CDC42BPB: variants seen among roughly 807,000 people sequenced by gnomAD.
CDC42BPB encodes serine/threonine-protein kinase MRCK beta.
In CDC42BPB, 37 loss-of-function variants were observed where a neutral mutation model predicts 214.9. That is an observed-to-expected ratio of 0.17 (90% CI 0.13 to 0.23). The LOEUF (loss-of-function observed/expected upper bound fraction) is 0.23, where lower values mean the gene tolerates loss of function less well. CDC42BPB is among the 10% of genes least tolerant of loss of function. The pLI is 1.00. For synonymous variants in CDC42BPB, 931 were observed against 884.0 expected (o/e 1.05, Z -0.94); for missense variants, 1,694 against 2,227.0 (o/e 0.76, Z 4.82).
rs191952406 is a variant in CDC42BPB at position 102,980,407 on chromosome 14, G to A, written c.1140+366C>T. On this transcript the variant is annotated intron_variant, in intron 8 of 36. Transcript: ENST00000361246. ...ACTCGGGAGGCTGAGGCAGGAGAAT[G>A]GCTTGAAACAGGGAGTCAGAGGTTG... Among the ~76,000 whole-genome samples, 5 of 152,186 alleles carry A rather than the reference G, an allele frequency of 3.3e-5. No homozygotes were observed. In the East Asian group the frequency reaches 9.7e-4, roughly 29 times the overall value.
intron 5 of CDC42BPB, among the ~76,000 whole-genome samples, chr14:102,986,948 T>A (rs1894272076): frequency 6.6e-6 from 1 of 152,056 alleles, no homozygotes; most frequent in East Asian, 1.9e-4. Context: ...CGAGCTGAGG[T>A]CTTGCAAACA....
intron 3 of CDC42BPB, among the ~76,000 whole-genome samples, chr14:103,006,365 C>T (rs767155758): frequency 2.0e-4 from 31 of 152,246 alleles, no homozygotes; most frequent in Non-Finnish European, 4.1e-4. Flanking sequence ...CTCCAGGAGA[C>T]GCTCCCTGAA....
At chr14:103,043,997 T>C (rs989527661) in intron 1 of CDC42BPB, among the ~76,000 whole-genome samples, 6 of 152,194 alleles carry the variant, frequency 3.9e-5, no homozygotes, top group Non-Finnish European at 7.4e-5. Context: ...CAGTATAATA[T>C]CAATGCCATC....
chr14:103,025,773 C>A (rs1441835915), intron 1 of CDC42BPB, among the ~76,000 whole-genome samples: 1 of 150,114 alleles, frequency 6.7e-6, no homozygotes, highest in East Asian at 2.0e-4. Flanking sequence ...AGCCACTGCA[C>A]TCCAGCCTGG....
At chr14:102,995,364 C>T (rs569453374) in intron 5 of CDC42BPB, among the ~76,000 whole-genome samples, 66 of 152,290 alleles carry the variant, frequency 4.3e-4, no homozygotes, top group African/African-American at 1.5e-3. Context: ...TTAGTAGAGA[C>T]AGGTTTTACC....
At chr14:103,048,911 G>C (rs1339068032) in intron 1 of CDC42BPB, among the ~76,000 whole-genome samples, 1 of 151,858 alleles carries the variant, frequency 6.6e-6, no homozygotes, top group East Asian at 1.9e-4. Context: ...ATTATTATAA[G>C]AAAAGAAAAT....
rs1043433221 is a variant in CDC42BPB, at chr14:102,944,687, C to T, written c.3812-200G>A. On this transcript the variant is annotated intron_variant, in intron 29 of 36. Coordinates refer to ENST00000361246, the MANE Select transcript of CDC42BPB (RefSeq NM_006035.4). This position sits in a 1 kb window ranked among gnomAD's most constrained non-coding sequence, Gnocchi z 6.6. ...CTTGAACGCCCCCCGGAGAAGCTGC[C>T]CCACATCCACAGCGCGCTCCTGGGG... The T allele has an allele frequency of 1.0e-6, 1 of 985,180 alleles. No individual in the cohort carries two copies. The highest frequency in any genetic ancestry group is 1.2e-6 in the Non-Finnish European group (1 of 829,746). The allele number at this position is 985,180 out of a possible 1,614,324, so 61.0% of individuals were successfully genotyped here. A position where few individuals can be genotyped will look rare whatever the true frequency, so the allele number is the denominator to read the frequency against.
intron 21 of CDC42BPB, 80 bp from the exon 22 acceptor site, chr14:102,954,768 A>T: frequency 6.5e-7 from 1 of 1,527,070 alleles, no homozygotes; most frequent in Non-Finnish European, 8.9e-7. Flanking sequence ...GTTCTTTACT[A>T]ATAAAAGCAG....
rs1892043395 is a variant in CDC42BPB at position 102,944,286 on chromosome 14, C to T, written c.4013G>A (p.Arg1338Lys). Residue 1338 changes from arginine (R) to lysine (K), a missense_variant, in exon 30 of 37, where the codon AGG becomes AAG. By Grantham distance (26) the Arg-to-Lys change is conservative (BLOSUM62 2). Coordinates refer to ENST00000361246, the MANE Select transcript of CDC42BPB (RefSeq NM_006035.4). This position sits in a 1 kb window ranked among gnomAD's most constrained non-coding sequence, Gnocchi z 6.6. ...CQLMATATLK[R>K]NSGTCLFVAV... ...CACAAACAGGCAGGTGCCAGAGTTC[C>T]TCTTGAGTGTGGCCGTGGCCATGAG... The T allele has an allele frequency of 6.2e-7, 1 of 1,613,146 alleles. No individual in the cohort carries two copies. Among genetic ancestry groups the T allele is most frequent in the South Asian group, 1.1e-5 (1 of 91,086 alleles).
At chr14:102,947,428 G>T (rs1892232113) in intron 27 of CDC42BPB, among the ~76,000 whole-genome samples, 1 of 152,232 alleles carries the variant, frequency 6.6e-6, no homozygotes, top group Admixed American at 6.5e-5. Context: ...TGCACACGCT[G>T]TGAGGACAGT....
At chr14:103,022,289 G>A (rs759501062) in intron 1 of CDC42BPB, among the ~76,000 whole-genome samples, 1 of 152,172 alleles carries the variant, frequency 6.6e-6, no homozygotes, top group Non-Finnish European at 1.5e-5. Context: ...AGGGAGGCAG[G>A]GGACAGAAGT....
At chr14:102,956,174 A>G (rs10131251) in intron 21 of CDC42BPB, 142,771 of 152,296 alleles carry the variant, frequency 0.94, 67,164 homozygotes, top group Middle Eastern at 0.99. Context: ...AGGAACAGGA[A>G]CATTGAGGAG....
intron 30 of CDC42BPB, 103 bp from the exon 31 acceptor site, chr14:102,940,427 G>A: frequency 6.5e-7 from 1 of 1,528,958 alleles, no homozygotes; most frequent in Non-Finnish European, 8.8e-7. Flanking sequence ...TGCAGAGGCG[G>A]CAGCACTGCC....
intron 31 of CDC42BPB, 43 bp downstream of exon 31, chr14:102,940,184 G>C (rs372654531): frequency 1.9e-6 from 3 of 1,612,994 alleles, no homozygotes; most frequent in Non-Finnish European, 1.7e-6. Context: ...AGACTGCACC[G>C]GGAGAAGCCC....
At chr14:102,941,380 C>A (rs1029695704) in intron 30 of CDC42BPB, 76 of 985,336 alleles carry the variant, frequency 7.7e-5, no homozygotes, top group Non-Finnish European at 6.0e-5. Context: ...AAACAGGCTA[C>A]AAGATCAGGA....
At chr14:102,963,367 T>C (rs1166031921) in intron 19 of CDC42BPB, 6 of 852,272 alleles carry the variant, frequency 7.0e-6, no homozygotes, top group Non-Finnish European at 8.5e-6. Context: ...TAAAAAGTCA[T>C]GGCTTAGGAA....
intron 21 of CDC42BPB, among the ~76,000 whole-genome samples, chr14:102,956,979 G>C (rs932665119): frequency 3.2e-5 from 4 of 125,288 alleles, no homozygotes; most frequent in Admixed American, 2.1e-4. Flanking sequence ...AGAAGTTCAA[G>C]ACCATCCTGG....
intron 1 of CDC42BPB, among the ~76,000 whole-genome samples, chr14:103,056,609 T>G (rs1474567003): frequency 8.3e-6 from 1 of 121,010 alleles, no homozygotes; most frequent in Non-Finnish European, 1.6e-5. Flanking sequence ...CAGTGAGTGC[T>G]GCAGGAAATG....
At chr14:103,044,757 C>G (rs1888199849) in intron 1 of CDC42BPB, among the ~76,000 whole-genome samples, 1 of 150,766 alleles carries the variant, frequency 6.6e-6, no homozygotes, top group African/African-American at 2.4e-5. Context: ...GCAATCTTCC[C>G]ACCTCGGCCT....
Sources: gnomAD v4.1 joint callset for allele counts (sites outside exome capture counted in the v4.1 genomes callset) on GRCh38, gnomAD v4.1.1 for gene constraint, Gnocchi (gnomAD v3.1) non-coding constraint, MANE v1.5 for transcripts, NCBI Gene and HGNC (gene_info 2026-07-23, HGNC 2026-07-21) for gene names.